The following EFCAB8 variants were observed in gnomAD, a reference collection of about 807,000 sequenced individuals.
The protein encoded by EFCAB8 is EF-hand calcium binding domain 8, also known as EF-hand calcium-binding domain-containing protein 8.
In EFCAB8, 100 loss-of-function variants were observed where a neutral mutation model predicts 116.3. The observed-to-expected ratio is 0.86, with a 90% CI of 0.73 to 1.02. The LOEUF (loss-of-function observed/expected upper bound fraction) is 1.02. Ranked by LOEUF, EFCAB8 falls within the 50% of genes least tolerant of loss-of-function variation. The pLI, the probability that EFCAB8 is intolerant of heterozygous loss-of-function variation, is 0.00. For missense variants in EFCAB8, 1,320 were observed against 1,416.9 expected, an observed-to-expected ratio of 0.93 and a Z score of 1.10; for synonymous variants, 558 against 567.9, an observed-to-expected ratio of 0.98 and a Z score of 0.25.
At position 32,906,590 on chromosome 20, in the gene EFCAB8, A is replaced by G. The variant is rs1986684486; in HGVS notation, c.1117A>G (p.Ile373Val). The change falls in exon 12 of 27, where the codon ATT (isoleucine) becomes GTT (valine). Residue 373 changes from isoleucine to valine, a missense_variant. Physicochemically the swap from Ile to Val is conservative, Grantham distance 29. Coordinates refer to ENST00000400522, the MANE Select transcript of EFCAB8 (RefSeq NM_001143967.2). ...RLSVLRLRKG[I>V]LCFDYCPDRN... ...GTCAGTGCTGCGTTTAAGGAAAGGG[A>G]TTCTTTGCTTTGATTACTGCCCAGA... The G allele has an allele frequency of 1.4e-6, 1 of 718,264 alleles. No homozygotes were observed. The highest frequency in any genetic ancestry group is 1.5e-5 in the South Asian group (1 of 67,592). The allele number at this position is 718,264 out of a possible 1,614,324, so 44.5% of individuals were successfully genotyped here.
intron 11 of EFCAB8, among the ~76,000 whole-genome samples, chr20:32,899,648 C>T (rs938595906): frequency 6.6e-6 from 1 of 151,806 alleles, no homozygotes. Context: ...GATCTCGGCT[C>T]GCCACAACCT....
chr20:32,877,189 G>A (rs1205894016), intron 4 of EFCAB8, among the ~76,000 whole-genome samples: 1 of 129,416 alleles, frequency 7.7e-6, no homozygotes, highest in Non-Finnish European at 1.7e-5. Context: ...CAATTTTCTT[G>A]TTTTTATTTA....
At chr20:32,908,555 A>G in intron 14 of EFCAB8, 143 bp downstream of exon 14, 1 of 905,304 alleles carries the variant, frequency 1.1e-6, no homozygotes, top group Non-Finnish European at 1.5e-6. Context: ...CTGGCCTGTG[A>G]GGGGCCGTGT....
At chr20:32,869,893 G>A (rs141564710) in intron 3 of EFCAB8, among the ~76,000 whole-genome samples, 154 of 152,238 alleles carry the variant, frequency 1.0e-3, no homozygotes, top group African/African-American at 3.6e-3. Flanking sequence ...CTATTCCTCT[G>A]TTTTCAGACG....
At chr20:32,876,416 G>A (rs1984977878) in intron 4 of EFCAB8, among the ~76,000 whole-genome samples, 1 of 152,210 alleles carries the variant, frequency 6.6e-6, no homozygotes, top group East Asian at 1.9e-4. Flanking sequence ...AGGCCAGCCT[G>A]TGGCTGTTAC....
At position 32,889,513 on chromosome 20, in the gene EFCAB8, C is replaced by T. The variant is rs1985807493; in HGVS notation, c.673+107C>T. The T allele has an allele frequency of 2.6e-6, 3 of 1,144,756 alleles. No homozygotes were observed. In the East Asian group the frequency reaches 7.7e-5, roughly 29 times the overall value. 70.9% of individuals were successfully genotyped at this position (1,144,756 alleles called of 1,614,324 possible). ...GCAACTGTGAACATGGATCAGAGCC[C>T]CCTGGGAGGATAGCCAGGTGGAGAG... is the stretch of plus-strand genomic sequence containing the variant. On this transcript the variant is annotated intron_variant, in intron 7 of 26. Transcript: ENST00000400522.
intron 2 of EFCAB8, among the ~76,000 whole-genome samples, chr20:32,865,529 G>A (rs1435293785): frequency 6.6e-6 from 1 of 152,032 alleles, no homozygotes; most frequent in African/African-American, 2.4e-5. Flanking sequence ...CAGGCGCAGT[G>A]GCCCATATCT....
At chr20:32,890,587 A>G (rs1256191431) in intron 7 of EFCAB8, among the ~76,000 whole-genome samples, 1 of 152,224 alleles carries the variant, frequency 6.6e-6, no homozygotes, top group South Asian at 2.1e-4. Context: ...TGGATGATGA[A>G]TGAGGCCTCT....
intron 23 of EFCAB8, among the ~76,000 whole-genome samples, chr20:32,945,274 G>T (rs1297848149): frequency 6.6e-6 from 1 of 152,024 alleles, no homozygotes; most frequent in Non-Finnish European, 1.5e-5. Flanking sequence ...TCTTCCCACA[G>T]CCTCCTGAGT....
At chr20:32,898,920 C>T (rs1376023531) in intron 11 of EFCAB8, among the ~76,000 whole-genome samples, 1 of 152,224 alleles carries the variant, frequency 6.6e-6, no homozygotes, top group Non-Finnish European at 1.5e-5. Context: ...GTTCCCTCAT[C>T]TGTGAAAGGG....
At chr20:32,948,566 AAG>A (rs201116502) in intron 23 of EFCAB8, among the ~76,000 whole-genome samples, 1 of 150,184 alleles carries the variant, frequency 6.7e-6, no homozygotes. Flanking sequence ...GAAAGAAAGA[AAG>A]AAAGAAAGAA....
chr20:32,940,067 T>G lies in EFCAB8; in HGVS notation c.2791-3569T>G, dbSNP rs1216965771. ...TTCCTTCCTTCCTTCCTTCCTTCCT[T>G]CCTTCCTTCCTTCCTTGCTTTTTGG... On this transcript the variant is annotated intron_variant, in intron 22 of 26. Transcript: ENST00000400522. Among the ~76,000 whole-genome samples the G allele has an allele frequency of 2.4e-5, 3 of 127,118 alleles. No individual in the cohort carries two copies. In the Admixed American group the frequency reaches 2.4e-4, roughly 10 times the overall value. 83.4% of individuals were successfully genotyped at this position (127,118 alleles called of 152,430 possible).
intron 22 of EFCAB8, among the ~76,000 whole-genome samples, chr20:32,933,795 A>G (rs539333539): frequency 1.6e-4 from 24 of 152,280 alleles, no homozygotes; most frequent in South Asian, 6.2e-4. Context: ...CCTGGCCCAC[A>G]TGGTGAAACC....
intron 23 of EFCAB8, among the ~76,000 whole-genome samples, chr20:32,946,725 G>A (rs540612369): frequency 1.2e-4 from 18 of 152,264 alleles, no homozygotes; most frequent in Middle Eastern, 3.4e-3. Flanking sequence ...GCATACAATT[G>A]TGTAATTGGT....
intron 17 of EFCAB8, among the ~76,000 whole-genome samples, chr20:32,916,401 G>A (rs1987188176): frequency 6.6e-6 from 1 of 152,180 alleles, no homozygotes; most frequent in Non-Finnish European, 1.5e-5. Context: ...AGGACTACAA[G>A]TGTGTGTCAC....
chr20:32,894,703 A>G lies in EFCAB8; in HGVS notation c.883+1405A>G, dbSNP rs143490983. On this transcript the variant is annotated intron_variant, in intron 9 of 26. Coordinates refer to ENST00000400522, the MANE Select transcript of EFCAB8 (RefSeq NM_001143967.2). The stretch of plus-strand genomic sequence containing the variant: ...TCTGTGCCTCAGTTCCCTTATTCAA[A>G]TAGGGATGGCCCTACTTCCCTGATA... Among the ~76,000 whole-genome samples, 576 of 152,302 alleles carry G rather than the reference A, an allele frequency of 3.8e-3. 6 individuals are homozygous for G. The highest frequency in any genetic ancestry group is 4.5e-3 in the Non-Finnish European group (306 of 68,020).
chr20:32,867,442 T>G, intron 2 of EFCAB8, 140 bp from the exon 3 acceptor site: 1 of 947,518 alleles, frequency 1.1e-6, no homozygotes, highest in Non-Finnish European at 1.5e-6. Context: ...TGGTTAAGAA[T>G]TCTGTATTTC....
rs138170887 is a variant in EFCAB8 at position 32,880,154 on chromosome 20, G to A, written c.431+1347G>A. 5.5e-3 allele frequency among the ~76,000 whole-genome samples: 845 copies of A among 152,282 alleles called. 7 individuals carry two copies. The highest frequency in any genetic ancestry group is 0.019 in the African/African-American group (810 of 41,550). On this transcript the variant is annotated intron_variant, in intron 5 of 26. Coordinates refer to ENST00000400522, the MANE Select transcript of EFCAB8 (RefSeq NM_001143967.2). ...GGAGCTGTGGGTGGGTCTGTCCTAA[G>A]AGGACCAGACCCAGACCAGGCCACG...
At chr20:32,931,475 G>A (rs993517584) in intron 22 of EFCAB8, 139 bp downstream of exon 22, 8 of 1,162,596 alleles carry the variant, frequency 6.9e-6, no homozygotes, top group South Asian at 3.8e-5. Flanking sequence ...ATTAGTATTC[G>A]TGGCCAGTCG....
Sources: allele counts gnomAD v4.1 joint callset (sites outside exome capture counted in the v4.1 genomes callset), GRCh38; gene constraint gnomAD v4.1.1; transcripts MANE v1.5; gene names NCBI Gene and HGNC (gene_info 2026-07-23, HGNC 2026-07-21).